SLC4A10: variants seen among roughly 807,000 people sequenced by gnomAD.
SLC4A10 encodes the protein solute carrier family 4 member 10.
SLC4A10 carries 42 observed loss-of-function variants against 137.7 expected under a neutral mutation model. That is an observed-to-expected ratio of 0.30 (90% CI 0.24 to 0.39). The LOEUF (loss-of-function observed/expected upper bound fraction) is 0.39, where lower values mean the gene tolerates loss of function less well. Ranked by LOEUF, SLC4A10 falls within the 10% of genes least tolerant of loss-of-function variation. The pLI is 1.00. For synonymous variants in SLC4A10, 474 were observed against 464.1 expected, an observed-to-expected ratio of 1.02 and a Z score of -0.27; for missense variants, 925 against 1,355.0, an observed-to-expected ratio of 0.68 and a Z score of 4.98.
intron 3 of SLC4A10, among the ~76,000 whole-genome samples, chr2:161,807,044 A>ATC (rs1181215295): frequency 3.9e-5 from 6 of 152,162 alleles, no homozygotes; most frequent in Admixed American, 3.9e-4. Flanking sequence ...AGCAAGTCAC[A>ATC]TCTTATGTGA....
At chr2:161,843,936 A>G (rs1422996273) in intron 4 of SLC4A10, among the ~76,000 whole-genome samples, 1 of 152,122 alleles carries the variant, frequency 6.6e-6, no homozygotes, top group Non-Finnish European at 1.5e-5. Context: ...TTGAATCATA[A>G]TTATTTAATA....
intron 15 of SLC4A10, among the ~76,000 whole-genome samples, chr2:161,920,496 AG>A (rs1277054106): frequency 2.0e-5 from 3 of 152,222 alleles, no homozygotes; most frequent in African/African-American, 4.8e-5. Context: ...GACAAAATAA[AG>A]GGTTGCAAAA....
chr2:161,800,436 A>G (rs1559278143), intron 2 of SLC4A10, among the ~76,000 whole-genome samples: 1 of 152,040 alleles, frequency 6.6e-6, no homozygotes, highest in East Asian at 1.9e-4. Context: ...TGTTCTAGGT[A>G]TTTGGGATAC....
chr2:161,807,200 A>T (rs965717648), intron 3 of SLC4A10, among the ~76,000 whole-genome samples: 4 of 152,150 alleles, frequency 2.6e-5, no homozygotes, highest in African/African-American at 9.7e-5. Context: ...TCCCTCCCAC[A>T]ACATGTGAGA....
intron 4 of SLC4A10, among the ~76,000 whole-genome samples, chr2:161,840,287 T>C (rs541753093): frequency 1.3e-4 from 20 of 152,330 alleles, no homozygotes; most frequent in African/African-American, 4.8e-4. Flanking sequence ...GTGGGCTTTT[T>C]TTAAAAGAAA....
chr2:161,624,702 C>T (rs946989955), intron 1 of SLC4A10, 136 bp downstream of exon 1: 1 of 1,198,302 alleles, frequency 8.3e-7, no homozygotes, highest in South Asian at 1.4e-5. Context: ...ACAGGGGTCT[C>T]CTCCCATCTT....
chr2:161,888,601 G>C (rs2062574340), intron 10 of SLC4A10, among the ~76,000 whole-genome samples: 1 of 152,068 alleles, frequency 6.6e-6, no homozygotes, highest in African/African-American at 2.4e-5. Context: ...GTCTGTTATT[G>C]GTGTATAGGA....
intron 1 of SLC4A10, among the ~76,000 whole-genome samples, chr2:161,754,260 G>A (rs1574779841): frequency 6.6e-6 from 1 of 152,132 alleles, no homozygotes; most frequent in Non-Finnish European, 1.5e-5. Flanking sequence ...TAATCTCAGG[G>A]ACTATTAAAT....
chr2:161,946,664 T>C (rs1693865713), intron 16 of SLC4A10, among the ~76,000 whole-genome samples: 1 of 151,450 alleles, frequency 6.6e-6, no homozygotes, highest in African/African-American at 2.4e-5. Context: ...TCATTCAAAA[T>C]ATTTGTTTGA....
intron 10 of SLC4A10, among the ~76,000 whole-genome samples, chr2:161,884,228 T>C (rs1318263244): frequency 3.9e-5 from 6 of 152,164 alleles, no homozygotes; most frequent in Admixed American, 1.3e-4. Flanking sequence ...TTTGTTATAT[T>C]TCAGACAAAA....
intron 1 of SLC4A10, among the ~76,000 whole-genome samples, chr2:161,711,100 AT>A (rs1255719097): frequency 1.3e-5 from 2 of 151,938 alleles, no homozygotes; most frequent in East Asian, 3.9e-4. Flanking sequence ...TTTATTGAAA[AT>A]TGCATTAAAG....
intron 3 of SLC4A10, among the ~76,000 whole-genome samples, chr2:161,811,965 G>C (rs144963724): frequency 3.2e-4 from 48 of 152,064 alleles, no homozygotes; most frequent in African/African-American, 1.2e-3. Context: ...CCCACCTTTA[G>C]TCATTCAGAT....
In SLC4A10 at chr2:161,736,945, T is replaced by C. The variant is rs543214011; in HGVS notation, c.49-34028T>C. On this transcript the variant is annotated intron_variant, in intron 1 of 26. Transcript: ENST00000446997. ...GCACAATCATTGTTCACTACAGCCTTGACCTCATGGGCTCAAGTGATCCTC... is the reference window on the plus strand; with the variant it reads ...GCACAATCATTGTTCACTACAGCCTCGACCTCATGGGCTCAAGTGATCCTC... Among the ~76,000 whole-genome samples, 27 of 152,174 alleles carry C rather than the reference T, an allele frequency of 1.8e-4. No homozygotes were observed. In the East Asian group the frequency reaches 5.2e-3, roughly 29 times the overall value.
At chr2:161,800,297 T>C (rs1432514954) in intron 2 of SLC4A10, among the ~76,000 whole-genome samples, 2 of 152,088 alleles carry the variant, frequency 1.3e-5, no homozygotes, top group East Asian at 1.9e-4. Flanking sequence ...ATTCCTTTCA[T>C]AAAGTGTTTA....
intron 1 of SLC4A10, among the ~76,000 whole-genome samples, chr2:161,767,892 A>C (rs1037245901): frequency 6.6e-6 from 1 of 151,994 alleles, no homozygotes; most frequent in Non-Finnish European, 1.5e-5. Context: ...TGTTCAGAAC[A>C]TCTCTGAATA....
At chr2:161,645,439 A>G (rs578120109) in intron 1 of SLC4A10, among the ~76,000 whole-genome samples, 1 of 152,182 alleles carries the variant, frequency 6.6e-6, no homozygotes, top group Non-Finnish European at 1.5e-5. Flanking sequence ...AGAGAAATGT[A>G]CAGAAAAGAC....
chr2:161,826,043 GATA>G (rs1441737189), intron 3 of SLC4A10, among the ~76,000 whole-genome samples: 2 of 151,976 alleles, frequency 1.3e-5, no homozygotes, highest in African/African-American at 2.4e-5. Context: ...AATTAGAATT[GATA>G]ATATTATATT....
intron 3 of SLC4A10, among the ~76,000 whole-genome samples, chr2:161,807,164 C>G (rs2056070063): frequency 6.6e-6 from 1 of 152,096 alleles, no homozygotes; most frequent in African/African-American, 2.4e-5. Context: ...GACCTGCCCC[C>G]CATGATTCAA....
intron 15 of SLC4A10, among the ~76,000 whole-genome samples, chr2:161,911,800 C>A (rs573732895): frequency 6.6e-6 from 1 of 152,004 alleles, no homozygotes; most frequent in South Asian, 2.1e-4. Flanking sequence ...AACTGATGGG[C>A]ACATTTCACA....
Sources: allele counts gnomAD v4.1 joint callset (sites outside exome capture counted in the v4.1 genomes callset), GRCh38; gene constraint gnomAD v4.1.1; transcripts MANE v1.5; gene names NCBI Gene and HGNC (gene_info 2026-07-23, HGNC 2026-07-21).